The following LRMDA variants were observed in gnomAD, a reference collection of about 807,000 sequenced individuals.
The protein encoded by LRMDA is leucine-rich melanocyte differentiation-associated protein.
LRMDA carries 18 observed loss-of-function variants against 29.8 expected under a neutral mutation model. The ratio of observed to expected loss-of-function variants is 0.60; its 90% CI spans 0.42 to 0.90. LRMDA has a LOEUF of 0.90. Among genes scored for constraint, LRMDA ranks in the 40% least tolerant of loss-of-function variants. LRMDA has a pLI of 0.00. For missense variants in LRMDA, 273 were observed against 273.9 expected, an observed-to-expected ratio of 1.00 and a Z score of 0.02; for synonymous variants, 125 against 109.4, an observed-to-expected ratio of 1.14 and a Z score of -0.89.
intron 5 of LRMDA, among the ~76,000 whole-genome samples, chr10:76,176,305 A>G (rs950437067): frequency 6.6e-6 from 1 of 152,170 alleles, no homozygotes; most frequent in Non-Finnish European, 1.5e-5. Context: ...AATAAAGGTG[A>G]TGAAGTGTTG....
At chr10:76,123,513 C>CACAAAA (rs1231067967) in intron 5 of LRMDA, among the ~76,000 whole-genome samples, 11 of 152,172 alleles carry the variant, frequency 7.2e-5, no homozygotes, top group Admixed American at 5.9e-4. Context: ...TGTCTCAGAA[C>CACAAAA]ACAAAAACAA....
chr10:75,827,415 C>T (rs1219168830), intron 2 of LRMDA, among the ~76,000 whole-genome samples: 1 of 152,192 alleles, frequency 6.6e-6, no homozygotes, highest in African/African-American at 2.4e-5. Flanking sequence ...GACATTTAAA[C>T]ACAATTGCCA....
intron 2 of LRMDA, among the ~76,000 whole-genome samples, chr10:75,865,826 C>T (rs1281464936): frequency 6.6e-6 from 1 of 152,114 alleles, no homozygotes; most frequent in Non-Finnish European, 1.5e-5. Context: ...CATGTACTAC[C>T]ATCAAAGGTT....
chr10:75,667,766 A>G (rs545477262), intron 2 of LRMDA, among the ~76,000 whole-genome samples: 2 of 152,378 alleles, frequency 1.3e-5, no homozygotes, highest in South Asian at 4.1e-4. Context: ...AGAAGGAACC[A>G]TAAATATGAT....
intron 2 of LRMDA, among the ~76,000 whole-genome samples, chr10:75,565,015 C>G (rs1024611979): frequency 1.3e-5 from 2 of 152,122 alleles, no homozygotes; most frequent in African/African-American, 4.8e-5. Flanking sequence ...CCCTTGGGTC[C>G]TCTCTCTGGC....
chr10:75,798,025 G>C lies in LRMDA; in HGVS notation c.132-237983G>C, dbSNP rs377025386. On this transcript the variant is annotated intron_variant, in intron 2 of 6. Transcript: ENST00000611255. ...TTTAGCCATTCTAGTGCATGTGACA[G>C]TGTATTTCATTGTAGTTTTAATTTG... Among the ~76,000 whole-genome samples the C allele has an allele frequency of 4.1e-4, 63 of 152,196 alleles. No homozygotes were observed. In the South Asian group the frequency reaches 7.3e-3, roughly 18 times the overall value.
chr10:76,432,523 A>G (rs1842201646), intron 6 of LRMDA, among the ~76,000 whole-genome samples: 1 of 152,186 alleles, frequency 6.6e-6, no homozygotes. Flanking sequence ...TGCAGGGGGA[A>G]CAAGTGGTGA....
At chr10:75,571,726 A>C (rs187354439) in intron 2 of LRMDA, among the ~76,000 whole-genome samples, 1 of 152,238 alleles carries the variant, frequency 6.6e-6, no homozygotes, top group East Asian at 1.9e-4. Flanking sequence ...GATTCTGTCA[A>C]GTCTACAAGA....
chr10:75,992,588 G>T (rs1212622953), intron 2 of LRMDA, among the ~76,000 whole-genome samples: 1 of 152,206 alleles, frequency 6.6e-6, no homozygotes, highest in Non-Finnish European at 1.5e-5. Flanking sequence ...GGGCATGGAC[G>T]TTTCCTGACT....
chr10:76,323,047 G>A (rs1461550966), intron 5 of LRMDA, among the ~76,000 whole-genome samples: 1 of 152,148 alleles, frequency 6.6e-6, no homozygotes, highest in South Asian at 2.1e-4. Context: ...TTTAAAACAC[G>A]TTTTTCTTGG....
intron 2 of LRMDA, among the ~76,000 whole-genome samples, chr10:75,563,676 C>T (rs1840330522): frequency 1.3e-5 from 2 of 152,116 alleles, no homozygotes; most frequent in African/African-American, 2.4e-5. Flanking sequence ...TACTTTTGGT[C>T]TTTGATGATG....
At chr10:75,435,705 A>G (rs1338022461) in intron 1 of LRMDA, among the ~76,000 whole-genome samples, 1 of 152,174 alleles carries the variant, frequency 6.6e-6, no homozygotes, top group Admixed American at 6.5e-5. Flanking sequence ...GAGTGATCCA[A>G]ATGCTTTATG....
chr10:76,509,507 A>G (rs1842988504), intron 6 of LRMDA, among the ~76,000 whole-genome samples: 1 of 152,186 alleles, frequency 6.6e-6, no homozygotes, highest in Non-Finnish European at 1.5e-5. Flanking sequence ...TGTACATGCT[A>G]ATACACAAAT....
rs145513080 is a variant in LRMDA, at chr10:75,680,056, C to T, written c.131+241562C>T. Among the ~76,000 whole-genome samples, 666 of 152,348 alleles carry T rather than the reference C, an allele frequency of 4.4e-3. 3 individuals carry two copies. The highest frequency in any genetic ancestry group is 7.5e-3 in the Non-Finnish European group (511 of 68,022). ...TCAGCAACTCTTCCTCAGTGAAGTT[C>T]CTCTTATTTGGGGGCTTTGCCCCAT... On this transcript the variant is annotated intron_variant, in intron 2 of 6. Transcript: ENST00000611255.
At chr10:75,711,711 G>A (rs537938536) in intron 2 of LRMDA, among the ~76,000 whole-genome samples, 237 of 152,212 alleles carry the variant, frequency 1.6e-3, no homozygotes, top group Non-Finnish European at 2.9e-3. Context: ...AGTTTGGTGG[G>A]TGCTCAAATT....
At chr10:76,040,600 C>T (rs938760959) in intron 3 of LRMDA, among the ~76,000 whole-genome samples, 2 of 152,104 alleles carry the variant, frequency 1.3e-5, no homozygotes, top group African/African-American at 2.4e-5. Context: ...CACCCAACCA[C>T]GAGCATGCAC....
chr10:75,602,347 C>T (rs1024537371), intron 2 of LRMDA, among the ~76,000 whole-genome samples: 1 of 152,162 alleles, frequency 6.6e-6, no homozygotes, highest in Non-Finnish European at 1.5e-5. Context: ...ACTGAATAAA[C>T]TTCAAATTTT....
chr10:75,956,830 C>T (rs1453106653), intron 2 of LRMDA, among the ~76,000 whole-genome samples: 2 of 152,198 alleles, frequency 1.3e-5, no homozygotes, highest in Non-Finnish European at 2.9e-5. Flanking sequence ...ATTCCATTAG[C>T]TTGATCTTAG....
chr10:75,769,040 C>G (rs1477329880), intron 2 of LRMDA, among the ~76,000 whole-genome samples: 1 of 152,128 alleles, frequency 6.6e-6, no homozygotes, highest in Non-Finnish European at 1.5e-5. Context: ...CAGAGACGGG[C>G]AAAGTGTACA....
Sources: gnomAD v4.1 joint callset for allele counts (sites outside exome capture counted in the v4.1 genomes callset) on GRCh38, gnomAD v4.1.1 for gene constraint, MANE v1.5 for transcripts, NCBI Gene and HGNC (gene_info 2026-07-23, HGNC 2026-07-21) for gene names.